Variants in ELOA observed in about 807,000 individuals in gnomAD.
ELOA encodes elongin A, also known as elongin-A.
Under a neutral mutation model 85.2 loss-of-function variants are expected in ELOA, and 15 were observed. The observed-to-expected ratio is 0.18, with a 90% CI of 0.12 to 0.27. ELOA has a LOEUF of 0.27. Among genes scored for constraint, ELOA ranks in the 10% least tolerant of loss-of-function variants. ELOA has a pLI of 1.00. For synonymous variants in ELOA, 348 were observed against 357.2 expected (o/e 0.97, Z 0.29); for missense variants, 769 against 952.7 (o/e 0.81, Z 2.54).
Position 23,751,856 on chromosome 1 carries a change from G to GAAGAAA in ELOA, c.1262_1267dup (p.Lys421_Lys422dup). 1 of 1,613,674 alleles carries GAAGAAA rather than the reference G, an allele frequency of 6.2e-7. No homozygotes were observed. Among genetic ancestry groups the GAAGAAA allele is most frequent in the Middle Eastern group, 1.6e-4 (1 of 6,062 alleles). On this transcript the variant is annotated inframe_insertion, in exon 4 of 11. Transcript: ENST00000613537. ...CCTACCTCAGCTATGACCAGCCCCG[G>GAAGAAA]AAGAAAAAGAAAAAGATTGTGAAAA... is the stretch of plus-strand genomic sequence containing the variant.
rs1249768877 is a variant in ELOA at position 23,750,861 on chromosome 1, G to C, written c.256G>C (p.Glu86Gln). Residue 86 changes from glutamate to glutamine, a missense_variant, in exon 4 of 11, where the codon GAA (glutamate) becomes CAA (glutamine). Physicochemically the swap from Glu to Gln is conservative, Grantham distance 29. Transcript: ENST00000613537. ...VPVERNAEPD[E>Q]QDFEKSNSRK... The stretch of plus-strand genomic sequence containing the variant: ...TTATTTTAGAAATGCTGAGCCTGAT[G>C]AACAGGACTTTGAGAAGAGCAATTC... 6.3e-7 allele frequency: 1 copy of C among 1,589,288 alleles called. No homozygotes were observed. Among genetic ancestry groups the C allele is most frequent in the African/African-American group, 1.4e-5 (1 of 73,276 alleles).
In ELOA at chr1:23,759,626, G is replaced by T; in HGVS notation, c.*53G>T. 1.9e-6 allele frequency: 3 copies of T among 1,592,018 alleles called. No individual in the cohort carries two copies. The highest frequency in any genetic ancestry group is 2.2e-5 in the East Asian group (1 of 44,774). On this transcript the variant is annotated 3_prime_UTR_variant, in exon 11 of 11. Transcript: ENST00000613537. ...CTGGGGAGGCAGGAATACAAGGACAGTGGGGGTTGGGGAATGGAATTCTAC... is the reference window on the plus strand; with the variant it reads ...CTGGGGAGGCAGGAATACAAGGACATTGGGGGTTGGGGAATGGAATTCTAC...
intron 2 of ELOA, among the ~76,000 whole-genome samples, chr1:23,749,314 TAGGGTA>T (rs1362497486): frequency 3.3e-5 from 5 of 152,246 alleles, no homozygotes; most frequent in Admixed American, 1.3e-4. Context: ...GATTTCTTTT[TAGGGTA>T]ATGTAAATGT....
chr1:23,754,040 G>C (rs1183704287), intron 5 of ELOA, 60 bp from the exon 6 acceptor site: 2 of 1,588,058 alleles, frequency 1.3e-6, no homozygotes, highest in Non-Finnish European at 1.7e-6. Flanking sequence ...GGCTGAAGGG[G>C]GTAGAAGGAG....
rs773058995 is a variant in ELOA, at chr1:23,760,778, G to C, written c.*1205G>C. On this transcript the variant is annotated 3_prime_UTR_variant, in exon 11 of 11. Coordinates refer to ENST00000613537, the MANE Select transcript of ELOA (RefSeq NM_003198.3). ...TTAGGGAGAGTGTCTGAGCCACAGCGTCAGGATGGGGGAAACCACATGGGA... is the reference window on the plus strand; with the variant it reads ...TTAGGGAGAGTGTCTGAGCCACAGCCTCAGGATGGGGGAAACCACATGGGA... 12 of 152,192 alleles carry C rather than the reference G, an allele frequency of 7.9e-5. No individual in the cohort carries two copies. The highest frequency in any genetic ancestry group is 3.2e-3 in the Middle Eastern group (1 of 316). 9.4% of individuals were successfully genotyped at this position (152,192 alleles called of 1,614,324 possible).
intron 1 of ELOA, among the ~76,000 whole-genome samples, chr1:23,745,377 T>C (rs530664364): frequency 6.6e-6 from 1 of 152,360 alleles, no homozygotes; most frequent in East Asian, 1.9e-4. Flanking sequence ...ATAAAAATGT[T>C]CTATGTAGTG....
In ELOA at chr1:23,759,505, T is replaced by C. The variant is rs1202231009; in HGVS notation, c.2258-7T>C. The C allele has an allele frequency of 1.9e-6, 3 of 1,614,198 alleles. No individual in the cohort carries two copies. Among genetic ancestry groups the C allele is most frequent in the South Asian group, 1.1e-5 (1 of 91,088 alleles). On this transcript the variant is annotated splice_region_variant and splice_polypyrimidine_tract_variant and intron_variant, in intron 10 of 10. Coordinates refer to ENST00000613537, the MANE Select transcript of ELOA (RefSeq NM_003198.3). ...CTGAGACAGCTGCCTTGTTTCTCTT[T>C]TCACAGAAATTGCCCCAATGATGGC...
At chr1:23,755,779 CAAA>C (rs371132818) in intron 7 of ELOA, 61 bp from the exon 8 acceptor site, 1,403 of 1,093,636 alleles carry the variant, frequency 1.3e-3, no homozygotes, top group South Asian at 2.5e-3. Context: ...GACTCTGTCT[CAAA>C]AAAAAAAAAA....
intron 10 of ELOA, among the ~76,000 whole-genome samples, chr1:23,758,247 A>ATTTTTTTTTTTTTTTTTTTTTTTTTTTTT (rs1338294015): frequency 1.8e-5 from 1 of 56,788 alleles, no homozygotes; most frequent in Non-Finnish European, 3.4e-5. Flanking sequence ...GGGTCTTCCA[A>ATTTTTTTTTTTTTTTTTTTTTTTTTTTTT]TTTATTTATT....
At position 23,743,499 on chromosome 1, in the gene ELOA, C is replaced by T; in HGVS notation, c.-5C>T. ...TCCGGCGAGGAGGCCGCGCCAGTGACAGCGATGGCGGCGGAGTCGGCGCTC... is the reference window on the plus strand; with the variant it reads ...TCCGGCGAGGAGGCCGCGCCAGTGATAGCGATGGCGGCGGAGTCGGCGCTC... On this transcript the variant is annotated 5_prime_UTR_variant, in exon 1 of 11. Coordinates refer to ENST00000613537, the MANE Select transcript of ELOA (RefSeq NM_003198.3). The T allele has an allele frequency of 6.6e-7, 1 of 1,505,988 alleles. No individual in the cohort carries two copies. Among genetic ancestry groups the T allele is most frequent in the Non-Finnish European group, 8.8e-7 (1 of 1,132,840 alleles). 93.3% of individuals were successfully genotyped at this position (1,505,988 alleles called of 1,614,324 possible). A position where few individuals can be genotyped will look rare whatever the true frequency, so the allele number is the denominator to read the frequency against.
Position 23,751,273 on chromosome 1 carries a change from G to A in ELOA, c.668G>A (p.Gly223Glu). 1 of 1,614,208 alleles carries A rather than the reference G, an allele frequency of 6.2e-7. No individual in the cohort carries two copies. The highest frequency in any genetic ancestry group is 8.5e-7 in the Non-Finnish European group (1 of 1,180,040). Residue 223 changes from glycine to glutamate, a missense_variant, in exon 4 of 11, where the codon GGG (glycine) becomes GAG (glutamate). Around this residue, in one of 4 missense-constraint regions of ELOA, gnomAD observed 440 missense variants for 474.0 expected, o/e 0.93. Coordinates refer to ENST00000613537, the MANE Select transcript of ELOA (RefSeq NM_003198.3). Reference protein sequence around the residue: ...GHSNAFQDRLGASQERHLGEP... With the variant: ...GHSNAFQDRLEASQERHLGEP... ...AGCAATGCCTTTCAGGACAGACTCG[G>A]GGCCAGCCAAGAACGACACCTGGGT...
rs1418886922 is a variant in ELOA at position 23,761,639 on chromosome 1, TC to T, written c.*2067del. 1 of 151,908 alleles carries T rather than the reference TC, an allele frequency of 6.6e-6. No individual in the cohort carries two copies. Among genetic ancestry groups the T allele is most frequent in the Non-Finnish European group, 1.5e-5 (1 of 67,992 alleles). 9.4% of individuals were successfully genotyped at this position (151,908 alleles called of 1,614,324 possible). A position where few individuals can be genotyped will look rare whatever the true frequency, so the allele number is the denominator to read the frequency against. On this transcript the variant is annotated 3_prime_UTR_variant, in exon 11 of 11. Transcript: ENST00000613537. ...CAGGGATGTGACTTGGTGCGAAGAGTCAGGGGAAAGAGGAAAAACCCAATTT... is the reference window on the plus strand; with the variant it reads ...CAGGGATGTGACTTGGTGCGAAGAGTAGGGGAAAGAGGAAAAACCCAATTT...
At chr1:23,750,776 G>A (rs1644766285) in intron 3 of ELOA, 69 bp from the exon 4 acceptor site, 1 of 1,426,062 alleles carries the variant, frequency 7.0e-7, no homozygotes, top group Admixed American at 2.7e-5. Context: ...GGTGAGTTCA[G>A]ATTCTGTGAC....
At chr1:23,749,128 T>C in intron 2 of ELOA, 51 bp downstream of exon 2, 1 of 1,475,376 alleles carries the variant, frequency 6.8e-7, no homozygotes, top group Non-Finnish European at 9.5e-7. Context: ...CATTCCCTTC[T>C]CACTGGAGAG....
chr1:23,751,780 A>G lies in ELOA; in HGVS notation c.1175A>G (p.Glu392Gly), dbSNP rs772897393. 13 of 1,614,062 alleles carry G rather than the reference A, an allele frequency of 8.1e-6. No individual in the cohort carries two copies. Among genetic ancestry groups the G allele is most frequent in the Non-Finnish European group, 1.0e-5 (12 of 1,180,042 alleles). ...RKSLGSLPKV[E>G]ETDMEDEFEQ... ...TCACTGGGCTCCCTCCCTAAAGTTG[A>G]GGAGACAGATATGGAGGATGAATTC... The change falls in exon 4 of 11, where the codon GAG becomes GGG. Residue 392 changes from glutamate to glycine, a missense_variant. By Grantham distance (98) the Glu-to-Gly change is moderately conservative (BLOSUM62 -2). Transcript: ENST00000613537.
intron 5 of ELOA, among the ~76,000 whole-genome samples, chr1:23,753,409 AT>A (rs1242168229): frequency 6.6e-6 from 1 of 152,184 alleles, no homozygotes; most frequent in African/African-American, 2.4e-5. Context: ...TCACATAGTA[AT>A]TGTTCAGTAA....
intron 5 of ELOA, among the ~76,000 whole-genome samples, chr1:23,753,149 AAAAC>A (rs376589428): frequency 4.9e-4 from 74 of 152,332 alleles, no homozygotes; most frequent in African/African-American, 1.5e-3. Flanking sequence ...GACTGTTTCA[AAAAC>A]AAACAAAAAA....
At position 23,749,917 on chromosome 1, in the gene ELOA, G is replaced by A. The variant is rs764139105; in HGVS notation, c.208G>A (p.Ala70Thr). The A allele has an allele frequency of 1.2e-6, 2 of 1,613,714 alleles. No individual in the cohort carries two copies. Among genetic ancestry groups the A allele is most frequent in the Non-Finnish European group, 1.7e-6 (2 of 1,179,764 alleles). The change falls in exon 3 of 11, where the codon GCC becomes ACC. Residue 70 changes from alanine (A) to threonine (T), a missense_variant. By Grantham distance (58) the Ala-to-Thr change is moderately conservative. Coordinates refer to ENST00000613537, the MANE Select transcript of ELOA (RefSeq NM_003198.3). ...HVGSFARDLV[A>T]QWKKLVPVER... is the part of the protein sequence containing the mutation. Reference sequence around the variant, plus strand: ...TGGAAGCTTTGCCAGGGACCTAGTGGCCCAGTGGAAGAAGCTGGTTCCTGT... The same window carrying A: ...TGGAAGCTTTGCCAGGGACCTAGTGACCCAGTGGAAGAAGCTGGTTCCTGT...
Position 23,743,523 on chromosome 1 carries a change from T to G in ELOA, c.20T>G (p.Leu7Arg). Residue 7 changes from leucine to arginine, a missense_variant, in exon 1 of 11, where the codon CTC (leucine) becomes CGC (arginine). This residue lies in a region of ELOA where 440 missense variants were observed against 474.0 expected (regional missense o/e 0.93). Coordinates refer to ENST00000613537, the MANE Select transcript of ELOA (RefSeq NM_003198.3). MAAESA[L>R]QVVEKLQARL... ...ACAGCGATGGCGGCGGAGTCGGCGC[T>G]CCAAGTTGTGGAGAAGCTGCAGGCG... The G allele has an allele frequency of 1.3e-6, 2 of 1,502,772 alleles. No individual in the cohort carries two copies. Among genetic ancestry groups the G allele is most frequent in the Non-Finnish European group, 1.8e-6 (2 of 1,131,144 alleles). 93.1% of individuals were successfully genotyped at this position (1,502,772 alleles called of 1,614,324 possible).
Sources: allele counts gnomAD v4.1 joint callset (sites outside exome capture counted in the v4.1 genomes callset), GRCh38; gene constraint gnomAD v4.1.1; regional missense constraint gnomAD v4.1.1; transcripts MANE v1.5; gene names NCBI Gene and HGNC (gene_info 2026-07-23, HGNC 2026-07-21).